Variants in PMS2 observed in about 807,000 individuals in gnomAD.
PMS2 encodes mismatch repair endonuclease PMS2.
Under a neutral mutation model 90.0 loss-of-function variants are expected in PMS2, and 69 were observed. That is an observed-to-expected ratio of 0.77 (90% CI 0.63 to 0.94). The LOEUF (loss-of-function observed/expected upper bound fraction) is 0.94. PMS2 is among the 40% of genes least tolerant of loss of function. The probability of loss-of-function intolerance (pLI) is 0.00; values close to 1 mark genes in which losing one functional copy is unlikely to be tolerated. For synonymous variants in PMS2, 332 were observed against 375.1 expected, an observed-to-expected ratio of 0.89 and a Z score of 1.33; for missense variants, 966 against 1,040.2, an observed-to-expected ratio of 0.93 and a Z score of 0.98.
chr7:5,991,726 C>G (rs1162722106), intron 9 of PMS2, among the ~76,000 whole-genome samples: 1 of 151,870 alleles, frequency 6.6e-6, no homozygotes, highest in African/African-American at 2.4e-5. Context: ...GTAGTCCCAG[C>G]TACTTGGGAG....
At chr7:5,988,747 A>C (rs1280095381) in intron 10 of PMS2, among the ~76,000 whole-genome samples, 1 of 152,254 alleles carries the variant, frequency 6.6e-6, no homozygotes, top group African/African-American at 2.4e-5. Flanking sequence ...GACTTGGGTG[A>C]ATCTCACAAA....
At position 5,995,605 on chromosome 7, in the gene PMS2, G is replaced by A. The variant is rs1554300796; in HGVS notation, c.832C>T (p.His278Tyr). The part of the protein sequence containing the change: ...YISGFISQCT[H>Y]GVGRSSTDRQ... Reference sequence around the variant, plus strand: ...TCTGTTGAACTCCTTCCAACTCCATGCGTGCATTGTGAAATGAAACCTGAG... The same window carrying A: ...TCTGTTGAACTCCTTCCAACTCCATACGTGCATTGTGAAATGAAACCTGAG... The change falls in exon 8 of 15, where the codon CAT becomes TAT. Residue 278 changes from histidine to tyrosine, a missense_variant. His to Tyr is a moderately conservative substitution (Grantham distance 83). Around this residue, in one of 2 missense-constraint regions of PMS2, gnomAD observed 871 missense variants for 802.4 expected, o/e 1.09. Transcript: ENST00000265849. The A allele has an allele frequency of 6.2e-7, 1 of 1,613,558 alleles. No homozygotes were observed. The highest frequency in any genetic ancestry group is 8.5e-7 in the Non-Finnish European group (1 of 1,179,508).
chr7:5,987,302 G>A lies in PMS2; in HGVS notation c.1463C>T (p.Ala488Val), dbSNP rs587779328. Residue 488 changes from alanine (A) to valine (V), a missense_variant, in exon 11 of 15, where the codon GCG becomes GTG. Coordinates refer to ENST00000265849, the MANE Select transcript of PMS2 (RefSeq NM_000535.7). ...SHGPSDPTDR[A>V]EVEKDSGHGS... The stretch of plus-strand genomic sequence containing the variant: ...GTGCCCCGAGTCCTTCTCCACCTCC[G>A]CTCTGTCCGTAGGGTCACTGGGTCC... 18 of 1,613,938 alleles carry A rather than the reference G, an allele frequency of 1.1e-5. No individual in the cohort carries two copies. Among genetic ancestry groups the A allele is most frequent in the Middle Eastern group, 1.6e-4 (1 of 6,084 alleles).
Position 5,987,382 on chromosome 7 carries a change from G to A in PMS2, c.1383C>T (p.Ala461=), listed in dbSNP as rs756335943. 1.9e-6 allele frequency: 3 copies of A among 1,614,178 alleles called. No homozygotes were observed. In the South Asian group the frequency reaches 3.3e-5, roughly 18 times the overall value. ...GTCTCAGGACGCCTTTGTCAGAGAT[G>A]GCACCTGAAGTGCTAGAAGACAGCA... is the stretch of plus-strand genomic sequence containing the variant. ...RGMLSSSTSG[A]ISDKGVLRPQ... The change falls in exon 11 of 15, where the codon GCC becomes GCT. Residue 461 remains alanine (A), a synonymous_variant. Transcript: ENST00000265849.
intron 8 of PMS2, among the ~76,000 whole-genome samples, chr7:5,994,586 A>G (rs913955355): frequency 6.6e-6 from 1 of 151,778 alleles, no homozygotes; most frequent in African/African-American, 2.4e-5. Context: ...ATCCTGGCTA[A>G]CAAGGTGAAA....
At chr7:6,005,754 T>C (rs62456183) in intron 2 of PMS2, 138 bp downstream of exon 2, 500,786 of 1,291,424 alleles carry the variant, frequency 0.39, 100,127 homozygotes, top group Middle Eastern at 0.46. Context: ...AGGCACATAA[T>C]AGGTGCTAAC....
At chr7:5,984,273 C>CT (rs1782622174) in intron 11 of PMS2, among the ~76,000 whole-genome samples, 1 of 151,822 alleles carries the variant, frequency 6.6e-6, no homozygotes, top group Non-Finnish European at 1.5e-5. Context: ...CCACTGGGTC[C>CT]TTTGCGGGTG....
At position 6,002,408 on chromosome 7, in the gene PMS2, G is replaced by A. The variant is rs779053757; in HGVS notation, c.537+45C>T. On this transcript the variant is annotated intron_variant, in intron 5 of 14. Transcript: ENST00000265849. ...CATCTTTAGTAAATCTTTTGCTCAT[G>A]TGCATTAACCAATACTCTTGAAAAC... 2.2e-5 allele frequency: 27 copies of A among 1,220,978 alleles called. No individual in the cohort carries two copies. In the African/African-American group the frequency reaches 4.0e-4, roughly 18 times the overall value. 75.6% of individuals were successfully genotyped at this position (1,220,978 alleles called of 1,614,324 possible). A position where few individuals can be genotyped will look rare whatever the true frequency, so the allele number is the denominator to read the frequency against.
chr7:5,987,042 T>C lies in PMS2; in HGVS notation c.1723A>G (p.Asn575Asp), dbSNP rs142506484. The change falls in exon 11 of 15, where the codon AAC (asparagine) becomes GAC (aspartate). Residue 575 changes from asparagine (N) to aspartate (D), a missense_variant. Coordinates refer to ENST00000265849, the MANE Select transcript of PMS2 (RefSeq NM_000535.7). ...LPQPTNLATP[N>D]TKRFKKEEIL... ...TCTTCTTTTTTAAAACGCTTTGTGT[T>C]TGGGGTTGCGAGATTAGTTGGCTGA... The C allele has an allele frequency of 2.4e-5, 38 of 1,614,184 alleles. No individual in the cohort carries two copies. The highest frequency in any genetic ancestry group is 3.2e-5 in the Non-Finnish European group (38 of 1,180,028).
intron 8 of PMS2, among the ~76,000 whole-genome samples, chr7:5,995,038 AT>A (rs1274443619): frequency 2.0e-5 from 3 of 151,882 alleles, no homozygotes; most frequent in Non-Finnish European, 2.9e-5. Flanking sequence ...GTAGAAAAAA[AT>A]ATATATATAT....
intron 7 of PMS2, among the ~76,000 whole-genome samples, chr7:5,996,996 T>C (rs1784478102): frequency 6.6e-6 from 1 of 151,928 alleles, no homozygotes; most frequent in South Asian, 2.1e-4. Flanking sequence ...GGGCGGATCA[T>C]CTGAGGTCAG....
chr7:5,999,307 A>T (rs978006693), intron 5 of PMS2, 32 bp from the exon 6 acceptor site: 1 of 1,578,038 alleles, frequency 6.3e-7, no homozygotes, highest in Non-Finnish European at 8.7e-7. Context: ...AATATTCTAC[A>T]TTACTTTAAT....
chr7:6,002,509 G>A lies in PMS2; in HGVS notation c.481C>T (p.Gln161Ter), dbSNP rs2128816708. ...RPRGTTVSVQQLFSTLPVRHK... is the reference protein window; with the variant it reads ...RPRGTTVSVQ Reference sequence around the variant, plus strand: ...CGCACAGGTAGTGTGGAAAATAACTGCTGCACGCTGACTGTGGTCCCTCTG... The same window carrying A: ...CGCACAGGTAGTGTGGAAAATAACTACTGCACGCTGACTGTGGTCCCTCTG... The change falls in exon 5 of 15, where the codon CAG becomes TAG. Residue 161 changes from glutamine (Q) to a stop codon, truncating the protein, a stop_gained. Coordinates refer to ENST00000265849, the MANE Select transcript of PMS2 (RefSeq NM_000535.7). LOFTEE classifies it high-confidence loss of function. The A allele has an allele frequency of 6.2e-7, 1 of 1,611,568 alleles. No individual in the cohort carries two copies. The highest frequency in any genetic ancestry group is 1.1e-5 in the South Asian group (1 of 90,986).
chr7:6,004,178 AT>A (rs1259130625), intron 2 of PMS2, 120 bp from the exon 3 acceptor site: 1 of 662,228 alleles, frequency 1.5e-6, no homozygotes, highest in East Asian at 2.7e-5. Context: ...TTAGTTAAAC[AT>A]ACTAGTGTCA....
At chr7:6,004,169 T>C in intron 2 of PMS2, 111 bp from the exon 3 acceptor site, 1 of 683,894 alleles carries the variant, frequency 1.5e-6, no homozygotes, top group Non-Finnish European at 2.6e-6. Context: ...ACTATACCTT[T>C]AGTTAAACAT....
At chr7:6,001,123 C>G (rs962206209) in intron 5 of PMS2, among the ~76,000 whole-genome samples, 1 of 152,134 alleles carries the variant, frequency 6.6e-6, no homozygotes, top group African/African-American at 2.4e-5. Flanking sequence ...AAGAAGACAG[C>G]AAAAACTGCA....
chr7:6,004,759 C>T (rs1785522129), intron 2 of PMS2, among the ~76,000 whole-genome samples: 1 of 151,640 alleles, frequency 6.6e-6, no homozygotes, highest in Admixed American at 6.6e-5. Context: ...ATCAGACTTC[C>T]TGGATCCTAT....
At chr7:6,002,891 C>T (rs11769380) in intron 4 of PMS2, among the ~76,000 whole-genome samples, 51,844 of 152,078 alleles carry the variant, frequency 0.34, 9,565 homozygotes, top group Non-Finnish European at 0.41. Context: ...GGTTGAACTG[C>T]AAAACCATAA....
chr7:5,978,458 A>G, intron 13 of PMS2, 138 bp downstream of exon 13: 2 of 981,990 alleles, frequency 2.0e-6, no homozygotes, highest in Non-Finnish European at 3.1e-6. Flanking sequence ...TTCAGTAGAG[A>G]TGGGGTTTCA....
Sources: gnomAD v4.1 joint callset for allele counts (sites outside exome capture counted in the v4.1 genomes callset) on GRCh38, gnomAD v4.1.1 for gene constraint, gnomAD v4.1.1 regional missense constraint, MANE v1.5 for transcripts, NCBI Gene and HGNC (gene_info 2026-07-23, HGNC 2026-07-21) for gene names.